CCDC85A: variants seen among roughly 807,000 people sequenced by gnomAD.
CCDC85A encodes the protein coiled-coil domain-containing protein 85A.
In CCDC85A, 38 loss-of-function variants were observed where a neutral mutation model predicts 50.2. The ratio of observed to expected loss-of-function variants is 0.76; its 90% CI spans 0.58 to 0.99. The LOEUF (loss-of-function observed/expected upper bound fraction) is 0.99, where lower values mean the gene tolerates loss of function less well. CCDC85A is among the 50% of genes least tolerant of loss of function. The pLI is 0.00. For synonymous variants in CCDC85A, 366 were observed against 301.4 expected (o/e 1.21, Z -2.22); for missense variants, 820 against 742.0 (o/e 1.11, Z -1.22).
At chr2:56,197,132 C>T (rs1676557806) in intron 2 of CCDC85A, among the ~76,000 whole-genome samples, 1 of 152,144 alleles carries the variant, frequency 6.6e-6, no homozygotes, top group African/African-American at 2.4e-5. Context: ...TGATTCTTTT[C>T]TTGTTTTGTG....
At chr2:56,220,613 C>T (rs1668284164) in intron 2 of CCDC85A, among the ~76,000 whole-genome samples, 4 of 151,982 alleles carry the variant, frequency 2.6e-5, no homozygotes, top group African/African-American at 9.7e-5. Context: ...GCAGGTCAGA[C>T]ATTTCTGAGA....
rs538633026 is a variant in CCDC85A at position 56,376,032 on chromosome 2, G to A, written c.1572+97G>A. On this transcript the variant is annotated intron_variant, in intron 5 of 5. Coordinates refer to ENST00000407595, the MANE Select transcript of CCDC85A (RefSeq NM_001080433.2). ...TCCTCACAGTCTTGCTTGAACCATA[G>A]ATATTTTATTTTTTGACTCCTTATG... 3 of 1,311,582 alleles carry A rather than the reference G, an allele frequency of 2.3e-6. No homozygotes were observed. The East Asian group carries it at 8.3e-5, about 36-fold the overall frequency. The allele number at this position is 1,311,582 out of a possible 1,614,324, so 81.2% of individuals were successfully genotyped here. A position where few individuals can be genotyped will look rare whatever the true frequency, so the allele number is the denominator to read the frequency against.
In CCDC85A at chr2:56,350,086, TA is replaced by T. The variant is rs1279389586; in HGVS notation, c.1317+7143del. On this transcript the variant is annotated intron_variant, in intron 3 of 5. Coordinates refer to ENST00000407595, the MANE Select transcript of CCDC85A (RefSeq NM_001080433.2). ...AATGCTTTTCTGTTCTTCTTTTGCT[TA>T]AAAAAAAAAAAGCCAAAAACAAGAA... 5.5e-3 allele frequency among the ~76,000 whole-genome samples: 773 copies of T among 140,954 alleles called. 1 individual carries two copies. The highest frequency in any genetic ancestry group is 9.0e-3 in the Admixed American group (127 of 14,046). The allele number at this position is 140,954 out of a possible 152,430, so 92.5% of individuals were successfully genotyped here. A position where few individuals can be genotyped will look rare whatever the true frequency, so the allele number is the denominator to read the frequency against.
At chr2:56,259,290 G>A (rs763260522) in intron 2 of CCDC85A, among the ~76,000 whole-genome samples, 1 of 152,156 alleles carries the variant, frequency 6.6e-6, no homozygotes, top group Non-Finnish European at 1.5e-5. Context: ...ATTCCTAGAG[G>A]CTGGCCTATT....
chr2:56,371,585 G>A (rs1676074534), intron 3 of CCDC85A, among the ~76,000 whole-genome samples: 2 of 152,000 alleles, frequency 1.3e-5, no homozygotes. Context: ...AAAGTTGGCA[G>A]GAGAGGAAAT....
Position 56,385,111 on chromosome 2 carries a change from C to T in CCDC85A, c.*756C>T, listed in dbSNP as rs932297890. On this transcript the variant is annotated 3_prime_UTR_variant, in exon 6 of 6. Transcript: ENST00000407595. ...ACACATCTTGGGGCATACCAACCTT[C>T]ATATTCATTCAGTGTATCCATTGGT... 4.6e-5 allele frequency: 7 copies of T among 151,992 alleles called. No individual in the cohort carries two copies. In the East Asian group the frequency reaches 7.8e-4, roughly 17 times the overall value. 9.4% of individuals were successfully genotyped at this position (151,992 alleles called of 1,614,324 possible). A position where few individuals can be genotyped will look rare whatever the true frequency, so the allele number is the denominator to read the frequency against.
At chr2:56,348,358 C>A (rs1374526961) in intron 3 of CCDC85A, among the ~76,000 whole-genome samples, 1 of 152,198 alleles carries the variant, frequency 6.6e-6, no homozygotes, top group Non-Finnish European at 1.5e-5. Context: ...TATACCTGCA[C>A]ATGGGCTGTG....
intron 2 of CCDC85A, among the ~76,000 whole-genome samples, chr2:56,281,515 G>A (rs1194354787): frequency 1.3e-5 from 2 of 152,128 alleles, no homozygotes; most frequent in African/African-American, 4.8e-5. Flanking sequence ...TCTGAAAGTG[G>A]TTATATCATC....
chr2:56,214,990 T>C (rs1397114165), intron 2 of CCDC85A, among the ~76,000 whole-genome samples: 2 of 151,990 alleles, frequency 1.3e-5, no homozygotes, highest in African/African-American at 4.8e-5. Context: ...GTATTGAGTC[T>C]TCCAATCCAT....
rs953586479 is a variant in CCDC85A, at chr2:56,384,289, T to A, written c.1596T>A (p.Asp532Glu). The A allele has an allele frequency of 6.2e-7, 1 of 1,611,190 alleles. No individual in the cohort carries two copies. The highest frequency in any genetic ancestry group is 8.5e-7 in the Non-Finnish European group (1 of 1,178,102). ...AGGTTGTGTGGAGGAAACTTGGAGA[T>A]GCTGCAGGTTCGTGTCCTGGAATTA... is the stretch of plus-strand genomic sequence containing the variant. ...SLKVVWRKLG[D>E]AAGSCPGIRQ... Residue 532 changes from aspartate to glutamate, a missense_variant, in exon 6 of 6, where the codon GAT becomes GAA. Transcript: ENST00000407595.
intron 5 of CCDC85A, among the ~76,000 whole-genome samples, chr2:56,383,971 C>T (rs1416921836): frequency 6.6e-6 from 1 of 151,788 alleles, no homozygotes; most frequent in Non-Finnish European, 1.5e-5. Flanking sequence ...TCCTCAAGTG[C>T]TTAGTGTGCA....
At chr2:56,211,061 T>C (rs188063812) in intron 2 of CCDC85A, among the ~76,000 whole-genome samples, 2 of 152,226 alleles carry the variant, frequency 1.3e-5, no homozygotes, top group East Asian at 3.9e-4. Flanking sequence ...TTATGTTATC[T>C]GACCATTGTC....
intron 2 of CCDC85A, among the ~76,000 whole-genome samples, chr2:56,333,869 A>G (rs73940665): frequency 0.14 from 21,158 of 152,240 alleles, 1,681 homozygotes; most frequent in East Asian, 0.31. Flanking sequence ...GGCTTTAAAA[A>G]TTTAAGCAGT....
chr2:56,215,916 A>T (rs1460739778), intron 2 of CCDC85A, among the ~76,000 whole-genome samples: 1 of 151,946 alleles, frequency 6.6e-6, no homozygotes, highest in Non-Finnish European at 1.5e-5. Flanking sequence ...TTATGACAAG[A>T]AAATTATGAC....
At chr2:56,262,106 G>A (rs573533956) in intron 2 of CCDC85A, among the ~76,000 whole-genome samples, 1 of 152,106 alleles carries the variant, frequency 6.6e-6, no homozygotes, top group Non-Finnish European at 1.5e-5. Context: ...AATTTCAGGT[G>A]GTGAGATTTT....
intron 2 of CCDC85A, among the ~76,000 whole-genome samples, chr2:56,275,947 C>T (rs959164781): frequency 6.6e-6 from 1 of 152,138 alleles, no homozygotes; most frequent in African/African-American, 2.4e-5. Flanking sequence ...GGAGAAAAGA[C>T]TGAGTCAGAG....
chr2:56,342,453 C>T (rs543640253), intron 2 of CCDC85A, among the ~76,000 whole-genome samples: 1 of 152,180 alleles, frequency 6.6e-6, no homozygotes, highest in South Asian at 2.1e-4. Context: ...TCTGGTTTTG[C>T]CCTGTTCTAA....
intron 2 of CCDC85A, among the ~76,000 whole-genome samples, chr2:56,215,306 T>G (rs1235866461): frequency 6.6e-6 from 1 of 151,952 alleles, no homozygotes; most frequent in Non-Finnish European, 1.5e-5. Context: ...TTCTTTGAGA[T>G]TTTCTACATA....
At chr2:56,213,675 T>C (rs1677272930) in intron 2 of CCDC85A, among the ~76,000 whole-genome samples, 1 of 151,918 alleles carries the variant, frequency 6.6e-6, no homozygotes. Flanking sequence ...TATTATGCAC[T>C]CTAGGAACCC....
Sources: gnomAD v4.1 joint callset for allele counts (sites outside exome capture counted in the v4.1 genomes callset) on GRCh38, gnomAD v4.1.1 for gene constraint, MANE v1.5 for transcripts, NCBI Gene and HGNC (gene_info 2026-07-23, HGNC 2026-07-21) for gene names.